The following PDE1C variants were observed in gnomAD, a reference collection of about 807,000 sequenced individuals.
PDE1C encodes phosphodiesterase 1C.
In PDE1C, 62 loss-of-function variants were observed where a neutral mutation model predicts 93.1. The observed-to-expected ratio is 0.67, with a 90% CI of 0.54 to 0.82. PDE1C has a LOEUF of 0.82. Ranked by LOEUF, PDE1C falls within the 40% of genes least tolerant of loss-of-function variation. The pLI, the probability that PDE1C is intolerant of heterozygous loss-of-function variation, is 0.00. For synonymous variants in PDE1C, 325 were observed against 310.1 expected (o/e 1.05, Z -0.50); for missense variants, 742 against 884.6 (o/e 0.84, Z 2.04).
chr7:31,775,717 G>T lies in PDE1C; in HGVS notation c.1907C>A (p.Ser636Tyr). Residue 636 changes from serine (S) to tyrosine (Y), a missense_variant, in exon 17 of 18, where the codon TCT (serine) becomes TAT (tyrosine). Physicochemically the swap from Ser to Tyr is moderately radical, Grantham distance 144. Coordinates refer to ENST00000396191, the MANE Select transcript of PDE1C (RefSeq NM_001191057.4). ...SKKTDGTKQR[S>Y]HGSPAPSTSS... ...GGTGCTTGGGGCTGGTGAGCCGTGA[G>T]AACGCTGTTTTGTGCCTGTGAAGAG... 1 of 1,612,846 alleles carries T rather than the reference G, an allele frequency of 6.2e-7. No individual in the cohort carries two copies. The highest frequency in any genetic ancestry group is 1.1e-5 in the South Asian group (1 of 91,078).
chr7:32,190,308 T>C (rs2128820241), intron 2 of PDE1C, among the ~76,000 whole-genome samples: 1 of 152,320 alleles, frequency 6.6e-6, no homozygotes, highest in East Asian at 1.9e-4. Context: ...CAAAACTGTA[T>C]GTGTTTACTC....
chr7:31,929,324 C>T (rs145059870), intron 2 of PDE1C, among the ~76,000 whole-genome samples: 4,714 of 152,142 alleles, frequency 0.031, 230 homozygotes, highest in African/African-American at 0.11. Context: ...CTTAGACTCC[C>T]ACACAATAAT....
chr7:31,658,583 C>T, the PDE1C span: 1 of 355,812 alleles, frequency 2.8e-6, no homozygotes, highest in Admixed American at 4.5e-5. Context: ...ACAAATTGTT[C>T]ATGATGTGCG....
intron 1 of PDE1C, among the ~76,000 whole-genome samples, chr7:32,282,583 C>CTTTT (rs367633822): frequency 4.0e-5 from 5 of 123,694 alleles, no homozygotes; most frequent in African/African-American, 9.2e-5. Context: ...TTTATGTCTT[C>CTTTT]TTTTTTTTTT....
At chr7:32,233,895 T>C (rs1807887753) in intron 1 of PDE1C, among the ~76,000 whole-genome samples, 1 of 152,002 alleles carries the variant, frequency 6.6e-6, no homozygotes, top group Non-Finnish European at 1.5e-5. Flanking sequence ...GACTAAATCA[T>C]GGGTCATAAA....
chr7:32,208,220 A>G (rs911466840), intron 2 of PDE1C, among the ~76,000 whole-genome samples: 1 of 139,542 alleles, frequency 7.2e-6, no homozygotes, highest in Non-Finnish European at 1.5e-5. Context: ...CCTTCCAAAA[A>G]GAGCTGGGAG....
chr7:32,140,180 T>C (rs1800435262), intron 3 of PDE1C, among the ~76,000 whole-genome samples: 1 of 152,180 alleles, frequency 6.6e-6, no homozygotes, highest in Admixed American at 6.5e-5. Flanking sequence ...ATTTAATCCT[T>C]ATGACAACCA....
chr7:31,907,591 C>T (rs564787732), intron 2 of PDE1C, among the ~76,000 whole-genome samples: 1 of 152,186 alleles, frequency 6.6e-6, no homozygotes, highest in East Asian at 1.9e-4. Context: ...TATATTCCTC[C>T]CTTTCATTTC....
At chr7:32,404,701 G>A (rs1010758064) in intron 1 of PDE1C, among the ~76,000 whole-genome samples, 9 of 152,136 alleles carry the variant, frequency 5.9e-5, no homozygotes, top group Admixed American at 4.6e-4. Context: ...TAATCTTCGT[G>A]CCCATGTCTC....
chr7:32,278,574 C>T (rs550600034), intron 1 of PDE1C, among the ~76,000 whole-genome samples: 1 of 152,254 alleles, frequency 6.6e-6, no homozygotes, highest in South Asian at 2.1e-4. Flanking sequence ...ATTTAAAAAC[C>T]TATAAGCACC....
At chr7:31,700,956 C>G in the PDE1C span, among the ~76,000 whole-genome samples, 1 of 152,198 alleles carries the variant, frequency 6.6e-6, no homozygotes, top group African/African-American at 2.4e-5. Flanking sequence ...TACCTCATCA[C>G]CCAAGAGCTC....
chr7:31,691,797 T>TAAAAAAAAAAAAAAAAAA, the PDE1C span, among the ~76,000 whole-genome samples: 4 of 86,538 alleles, frequency 4.6e-5, no homozygotes, highest in Non-Finnish European at 6.6e-5. Context: ...ATGTAATGAT[T>TAAAAAAAAAAAAAAAAAA]AAAAAAAAAA....
chr7:31,789,599 T>C (rs2072424), intron 16 of PDE1C: 62,778 of 876,120 alleles, frequency 0.072, 2,373 homozygotes, highest in South Asian at 0.13. Context: ...AAGATTCCTA[T>C]AGAATAATCT....
chr7:31,659,547 A>G, the PDE1C span, among the ~76,000 whole-genome samples: 1 of 152,184 alleles, frequency 6.6e-6, no homozygotes, highest in Non-Finnish European at 1.5e-5. Flanking sequence ...TTTGTTCATC[A>G]CTTGGTTGCT....
At position 32,092,326 on chromosome 7, in the gene PDE1C, C is replaced by A. The variant is rs144515749; in HGVS notation, c.308+77459G>T. 2.4e-3 allele frequency among the ~76,000 whole-genome samples: 363 copies of A among 152,272 alleles called. 1 individual carries two copies. Among genetic ancestry groups the A allele is most frequent in the African/African-American group, 7.9e-3 (329 of 41,542 alleles). On this transcript the variant is annotated intron_variant, in intron 3 of 18. Transcript: ENST00000396193. ...TTCATGTCGGAGGCTGCATAATCTT[C>A]TCTCCTGCACTACTGGATGCTGGGT...
chr7:32,393,296 T>C (rs892664923), intron 1 of PDE1C, among the ~76,000 whole-genome samples: 3 of 152,204 alleles, frequency 2.0e-5, no homozygotes, highest in Admixed American at 6.5e-5. Flanking sequence ...CATTCCAGAT[T>C]GGAAAGGAAA....
At chr7:31,975,495 T>TC (rs1311045292) in intron 2 of PDE1C, among the ~76,000 whole-genome samples, 6 of 151,556 alleles carry the variant, frequency 4.0e-5, no homozygotes, top group African/African-American at 1.2e-4. Context: ...ACTGAGGGAG[T>TC]CTCTCACATG....
chr7:32,069,544 T>G (rs561413363), intron 1 of PDE1C, among the ~76,000 whole-genome samples: 1 of 152,056 alleles, frequency 6.6e-6, no homozygotes, highest in Non-Finnish European at 1.5e-5. Context: ...TGACCAGCAG[T>G]TCACTGATGA....
chr7:31,745,607 G>A, the PDE1C span, among the ~76,000 whole-genome samples: 5 of 152,124 alleles, frequency 3.3e-5, no homozygotes, highest in East Asian at 9.7e-4. Flanking sequence ...TTTATGTGGG[G>A]CCTAGGAGAA....
Sources: gnomAD v4.1 joint callset for allele counts (sites outside exome capture counted in the v4.1 genomes callset) on GRCh38, gnomAD v4.1.1 for gene constraint, MANE v1.5 for transcripts, NCBI Gene and HGNC (gene_info 2026-07-23, HGNC 2026-07-21) for gene names.